The following SORCS2 variants were observed in gnomAD, a reference collection of about 807,000 sequenced individuals.
The protein encoded by SORCS2 is VPS10 domain-containing receptor SorCS2.
SORCS2 carries 100 observed loss-of-function variants against 141.6 expected under a neutral mutation model. The observed-to-expected ratio is 0.71, with a 90% CI of 0.60 to 0.83. The LOEUF is 0.83. Ranked by LOEUF, SORCS2 falls within the 40% of genes least tolerant of loss-of-function variation. SORCS2 has a pLI of 0.00. For missense variants in SORCS2, 1,646 were observed against 1,560.2 expected (o/e 1.05, Z -0.93); for synonymous variants, 789 against 676.9 (o/e 1.17, Z -2.57).
intron 2 of SORCS2, among the ~76,000 whole-genome samples, chr4:7,521,105 C>A (rs1250041960): frequency 6.6e-6 from 1 of 152,068 alleles, no homozygotes; most frequent in African/African-American, 2.4e-5. Flanking sequence ...AAGGTGTCCT[C>A]CTGTTCTGAA....
intron 1 of SORCS2, among the ~76,000 whole-genome samples, chr4:7,321,029 A>T (rs1032688779): frequency 2.6e-5 from 4 of 152,018 alleles, no homozygotes; most frequent in Admixed American, 2.6e-4. Flanking sequence ...AGATTTTATC[A>T]GCACCCCTCA....
chr4:7,532,801 T>C (rs1417015524), intron 3 of SORCS2, among the ~76,000 whole-genome samples: 9 of 152,064 alleles, frequency 5.9e-5, no homozygotes, highest in African/African-American at 2.2e-4. Context: ...AGCAGGTTGC[T>C]TTGCTGTTTT....
intron 4 of SORCS2, among the ~76,000 whole-genome samples, chr4:7,651,727 C>G (rs9991615): frequency 1.3e-5 from 2 of 152,218 alleles, no homozygotes; most frequent in African/African-American, 2.4e-5. Flanking sequence ...GCACCCTCCC[C>G]CTAGCAACCT....
chr4:7,316,246 CCATCCATG>C (rs1230964547), intron 1 of SORCS2, among the ~76,000 whole-genome samples: 2 of 152,136 alleles, frequency 1.3e-5, no homozygotes, highest in Non-Finnish European at 2.9e-5. Flanking sequence ...ATCCATCCAT[CCATCCATG>C]CATCCATTCG....
At chr4:7,285,744 T>G (rs2108867655) in intron 1 of SORCS2, among the ~76,000 whole-genome samples, 1 of 152,358 alleles carries the variant, frequency 6.6e-6, no homozygotes, top group East Asian at 1.9e-4. Flanking sequence ...TTCCGGAGCA[T>G]GCTGGGCCAA....
chr4:7,518,445 G>A (rs1733121221), intron 2 of SORCS2, among the ~76,000 whole-genome samples: 1 of 152,162 alleles, frequency 6.6e-6, no homozygotes, highest in African/African-American at 2.4e-5. Context: ...GAAGGCAGCT[G>A]CTGGGTGCAA....
At chr4:7,348,429 C>G (rs570899459) in intron 1 of SORCS2, among the ~76,000 whole-genome samples, 2 of 152,324 alleles carry the variant, frequency 1.3e-5, no homozygotes, top group South Asian at 2.1e-4. Context: ...ACCTGCTTCC[C>G]CACAATGGCC....
At chr4:7,699,322 T>C (rs1482922007) in intron 12 of SORCS2, among the ~76,000 whole-genome samples, 1 of 152,120 alleles carries the variant, frequency 6.6e-6, no homozygotes, top group Admixed American at 6.5e-5. Flanking sequence ...CCCAAGCTAA[T>C]GAGAGCAGAC....
At chr4:7,380,900 G>A (rs758277864) in intron 1 of SORCS2, among the ~76,000 whole-genome samples, 5 of 152,154 alleles carry the variant, frequency 3.3e-5, no homozygotes, top group Non-Finnish European at 5.9e-5. Flanking sequence ...TGGCCAACAC[G>A]GTGAAACCCC....
intron 1 of SORCS2, among the ~76,000 whole-genome samples, chr4:7,347,973 A>G (rs192210532): frequency 1.3e-4 from 20 of 152,374 alleles, no homozygotes; most frequent in African/African-American, 4.8e-4. Flanking sequence ...CAAAAGGACA[A>G]CTTTTCGTGA....
At chr4:7,198,719 C>T (rs974347624) in intron 1 of SORCS2, among the ~76,000 whole-genome samples, 6 of 152,306 alleles carry the variant, frequency 3.9e-5, no homozygotes, top group Admixed American at 2.6e-4. Flanking sequence ...CTGTCAGGAG[C>T]TGGCTGCTGG....
intron 1 of SORCS2, among the ~76,000 whole-genome samples, chr4:7,287,635 A>G (rs1716317647): frequency 6.6e-6 from 1 of 152,374 alleles, no homozygotes; most frequent in East Asian, 1.9e-4. Context: ...GAGTTCAGCC[A>G]GTGGACTGTT....
chr4:7,653,611 T>A (rs1721569992), intron 4 of SORCS2, among the ~76,000 whole-genome samples: 1 of 152,204 alleles, frequency 6.6e-6, no homozygotes, highest in African/African-American at 2.4e-5. Context: ...TGTGGGGCCC[T>A]TCTGAGCTAG....
chr4:7,193,012 G>A lies in SORCS2; in HGVS notation c.366G>A (p.Pro122=). The A allele has an allele frequency of 2.0e-6, 3 of 1,479,990 alleles. No individual in the cohort carries two copies. Among genetic ancestry groups the A allele is most frequent in the Non-Finnish European group, 2.7e-6 (3 of 1,123,090 alleles). 91.7% of individuals were successfully genotyped at this position (1,479,990 alleles called of 1,614,324 possible). ...ACCGGCGCTGGGAGCGGGCGGCGCC[G>A]CTGGCCGGAGTGGCTTCGCGGGCGC... ...AGYRRWERAA[P]LAGVASRAQV... The change falls in exon 1 of 27, where the codon CCG becomes CCA. Residue 122 remains proline, a synonymous_variant. Transcript: ENST00000507866. The surrounding 1 kb of genome is among the most constrained non-coding windows in gnomAD (Gnocchi z 4.8).
rs149257889 is a variant in SORCS2 at position 7,464,176 on chromosome 4, C to T, written c.549-67354C>T. Among the ~76,000 whole-genome samples the T allele has an allele frequency of 1.9e-3, 287 of 152,284 alleles. 2 individuals are homozygous for T. The highest frequency in any genetic ancestry group is 6.6e-3 in the African/African-American group (276 of 41,556). ...GAACAAAATGGGCCAGGCAGCTTCA[C>T]CATCAGGCGATGTCACAGTGCTGGG... is the stretch of plus-strand genomic sequence containing the variant. On this transcript the variant is annotated intron_variant, in intron 2 of 26. Transcript: ENST00000507866.
In SORCS2 at chr4:7,737,175, G is replaced by C; in HGVS notation, c.3415+3G>C. 1 of 1,551,144 alleles carries C rather than the reference G, an allele frequency of 6.4e-7. No individual in the cohort carries two copies. Among genetic ancestry groups the C allele is most frequent in the South Asian group, 1.2e-5 (1 of 84,058 alleles). On this transcript the variant is annotated splice_donor_region_variant and intron_variant, in intron 26 of 26. Coordinates refer to ENST00000507866, the MANE Select transcript of SORCS2 (RefSeq NM_020777.3). ...GGACGTCCAGGGCGCTGTCCAGGGT[G>C]AGGAGTTTATAGATGATGATCTCGA... is the stretch of plus-strand genomic sequence containing the variant.
At chr4:7,474,380 C>A (rs1387461489) in intron 2 of SORCS2, among the ~76,000 whole-genome samples, 1 of 152,190 alleles carries the variant, frequency 6.6e-6, no homozygotes, top group Non-Finnish European at 1.5e-5. Context: ...TGACAGGCAT[C>A]CCTCCCTTCA....
At chr4:7,627,788 T>A (rs1016890251) in intron 3 of SORCS2, among the ~76,000 whole-genome samples, 4 of 152,174 alleles carry the variant, frequency 2.6e-5, no homozygotes, top group Non-Finnish European at 5.9e-5. Context: ...GGTAAAATAG[T>A]TCTAGATCCA....
At chr4:7,541,966 C>T (rs948349773) in intron 3 of SORCS2, among the ~76,000 whole-genome samples, 5 of 152,226 alleles carry the variant, frequency 3.3e-5, no homozygotes, top group African/African-American at 9.6e-5. Flanking sequence ...TCTGGCCCCC[C>T]AGCCATGTGC....
Sources: allele counts gnomAD v4.1 joint callset (sites outside exome capture counted in the v4.1 genomes callset), GRCh38; gene constraint gnomAD v4.1.1; non-coding constraint Gnocchi (gnomAD v3.1); transcripts MANE v1.5; gene names NCBI Gene and HGNC (gene_info 2026-07-23, HGNC 2026-07-21).